The following INO80 variants were observed in gnomAD, a reference collection of about 807,000 sequenced individuals.
INO80 encodes the protein chromatin-remodeling ATPase INO80.
INO80 carries 20 observed loss-of-function variants against 203.4 expected under a neutral mutation model. The ratio of observed to expected loss-of-function variants is 0.10; its 90% CI spans 0.07 to 0.14. INO80 has a LOEUF of 0.14. Among genes scored for constraint, INO80 ranks in the 10% least tolerant of loss-of-function variants. INO80 has a pLI of 1.00. For synonymous variants in INO80, 726 were observed against 685.2 expected (o/e 1.06, Z -0.93); for missense variants, 1,419 against 1,914.4 (o/e 0.74, Z 4.83).
chr15:41,073,141 A>T (rs746760130), intron 11 of INO80, among the ~76,000 whole-genome samples: 4 of 151,306 alleles, frequency 2.6e-5, no homozygotes, highest in Non-Finnish European at 5.9e-5. Context: ...ATGATTACTC[A>T]AGAGAAAGAA....
intron 8 of INO80, among the ~76,000 whole-genome samples, 193 bp from the exon 9 acceptor site, chr15:41,080,097 A>G (rs1443150290): frequency 6.6e-6 from 1 of 152,176 alleles, no homozygotes; most frequent in African/African-American, 2.4e-5. Flanking sequence ...ATTATCAGGG[A>G]TAAGAAATCT....
chr15:40,996,882 A>G (rs2140426535), intron 29 of INO80, among the ~76,000 whole-genome samples: 1 of 152,316 alleles, frequency 6.6e-6, no homozygotes, highest in East Asian at 1.9e-4. Context: ...GGATGGACTG[A>G]TTGTTTTTCC....
chr15:41,096,152 A>C lies in INO80; in HGVS notation c.143+16T>G, dbSNP rs1226766323. ...AGGAATTTGGTAAAACATATTGCAA[A>C]GATACAATAACATACCTAGAAATAT... On this transcript the variant is annotated intron_variant, in intron 2 of 35. Transcript: ENST00000648947. 1.3e-6 allele frequency: 2 copies of C among 1,585,202 alleles called. No homozygotes were observed. The highest frequency in any genetic ancestry group is 1.7e-6 in the Non-Finnish European group (2 of 1,170,252).
chr15:40,987,710 G>T, intron 30 of INO80, 106 bp downstream of exon 30: 2 of 1,105,396 alleles, frequency 1.8e-6, no homozygotes, highest in Non-Finnish European at 2.6e-6. Context: ...AGTTTCGTCA[G>T]GACCAATGAA....
At chr15:41,076,232 G>C (rs1251602894) in intron 9 of INO80, among the ~76,000 whole-genome samples, 1 of 151,980 alleles carries the variant, frequency 6.6e-6, no homozygotes, top group Non-Finnish European at 1.5e-5. Flanking sequence ...ATGGTGGCAG[G>C]CGCCTGTAAT....
In INO80 at chr15:40,995,176, T is replaced by C. The variant is rs547639824; in HGVS notation, c.3570+2353A>G. The stretch of plus-strand genomic sequence containing the variant: ...CAGCCTAGAAATGCAGACTTTTGAC[T>C]TCCTTCCATTGTTGAGGCCAAAGTC... On this transcript the variant is annotated intron_variant, in intron 29 of 35. Transcript: ENST00000648947. Among the ~76,000 whole-genome samples, 22 of 152,342 alleles carry C rather than the reference T, an allele frequency of 1.4e-4. No individual in the cohort carries two copies. The South Asian group carries it at 4.6e-3, about 32-fold the overall frequency.
At chr15:41,080,485 A>G (rs899146360) in intron 8 of INO80, among the ~76,000 whole-genome samples, 1 of 152,210 alleles carries the variant, frequency 6.6e-6, no homozygotes, top group African/African-American at 2.4e-5. Context: ...TGATCTGCTC[A>G]AGAAATCAGG....
intron 26 of INO80, 70 bp downstream of exon 26, chr15:41,020,830 C>G: frequency 1.1e-6 from 1 of 934,004 alleles, no homozygotes; most frequent in South Asian, 1.5e-5. Context: ...CTGAAAGGAC[C>G]ACATGAAGAT....
At chr15:41,074,869 A>G (rs1418254430) in intron 9 of INO80, among the ~76,000 whole-genome samples, 2 of 151,978 alleles carry the variant, frequency 1.3e-5, no homozygotes, top group Non-Finnish European at 2.9e-5. Context: ...CTCAGCCTCC[A>G]GAGTAGCTGG....
chr15:41,115,458 C>A (rs1463491669), intron 1 of INO80, among the ~76,000 whole-genome samples: 1 of 152,186 alleles, frequency 6.6e-6, no homozygotes, highest in Non-Finnish European at 1.5e-5. Flanking sequence ...CTGCCCCCAC[C>A]CAACACCAGC....
intron 14 of INO80, among the ~76,000 whole-genome samples, chr15:41,066,618 C>T (rs537913767): frequency 3.4e-4 from 52 of 151,202 alleles, no homozygotes; most frequent in Admixed American, 3.1e-3. Flanking sequence ...TGTGTGAGGC[C>T]AGGAGTTAGA....
intron 24 of INO80, among the ~76,000 whole-genome samples, chr15:41,038,097 C>A (rs2044610586): frequency 6.9e-6 from 1 of 145,170 alleles, no homozygotes; most frequent in South Asian, 2.3e-4. Context: ...TCACTGCAAC[C>A]TTCGTCTCCC....
chr15:41,039,160 T>TA (rs2044629506), intron 24 of INO80, among the ~76,000 whole-genome samples: 2 of 152,190 alleles, frequency 1.3e-5, no homozygotes, highest in South Asian at 4.1e-4. Flanking sequence ...TTTTCAAAAT[T>TA]AGAGACACAG....
intron 29 of INO80, among the ~76,000 whole-genome samples, chr15:40,996,998 G>A (rs1359899097): frequency 6.6e-6 from 1 of 152,106 alleles, no homozygotes; most frequent in South Asian, 2.1e-4. Flanking sequence ...TTATTCAGGC[G>A]AGGTGCAGTG....
At chr15:41,093,900 A>G (rs1025972328) in intron 4 of INO80, among the ~76,000 whole-genome samples, 21 of 152,172 alleles carry the variant, frequency 1.4e-4, no homozygotes, top group Non-Finnish European at 2.5e-4. Flanking sequence ...ATGACAATGA[A>G]TTATAACTCA....
At chr15:41,065,304 G>A (rs1243311934) in intron 14 of INO80, among the ~76,000 whole-genome samples, 1 of 151,768 alleles carries the variant, frequency 6.6e-6, no homozygotes, top group African/African-American at 2.4e-5. Flanking sequence ...TGGGTGTGGT[G>A]GTACACCCCT....
Position 41,045,093 on chromosome 15 carries a change from A to C in INO80, c.2736-18T>G, listed in dbSNP as rs2044732216. On this transcript the variant is annotated intron_variant, in intron 23 of 35. Coordinates refer to ENST00000648947, the MANE Select transcript of INO80 (RefSeq NM_017553.3). ...CTAACCATCTGAAACAAACCACAGC[A>C]GACACGCTTATTCAGTGCTCCATGG... 1 of 1,589,290 alleles carries C rather than the reference A, an allele frequency of 6.3e-7. No homozygotes were observed. The highest frequency in any genetic ancestry group is 8.5e-7 in the Non-Finnish European group (1 of 1,172,540).
chr15:41,095,171 T>G (rs2045703695), intron 4 of INO80, among the ~76,000 whole-genome samples: 1 of 152,164 alleles, frequency 6.6e-6, no homozygotes, highest in South Asian at 2.1e-4. Context: ...AAACCCCATT[T>G]CTACTAAAAA....
intron 31 of INO80, among the ~76,000 whole-genome samples, chr15:40,986,460 G>A (rs1413543920): frequency 1.3e-5 from 2 of 151,214 alleles, no homozygotes; most frequent in Non-Finnish European, 2.9e-5. Context: ...GAGTAGCTGG[G>A]ATTACACGTG....
Sources: allele counts gnomAD v4.1 joint callset (sites outside exome capture counted in the v4.1 genomes callset), GRCh38; gene constraint gnomAD v4.1.1; transcripts MANE v1.5; gene names NCBI Gene and HGNC (gene_info 2026-07-23, HGNC 2026-07-21).